MACROD2: variants seen among roughly 807,000 people sequenced by gnomAD.
MACROD2 encodes the protein ADP-ribose glycohydrolase MACROD2.
Under a neutral mutation model 70.4 loss-of-function variants are expected in MACROD2, and 36 were observed. The ratio of observed to expected loss-of-function variants is 0.51; its 90% CI spans 0.39 to 0.68. The LOEUF (loss-of-function observed/expected upper bound fraction) is 0.68, where lower values mean the gene tolerates loss of function less well. MACROD2 is among the 30% of genes least tolerant of loss of function. MACROD2 has a pLI of 0.00. For synonymous variants in MACROD2, 172 were observed against 178.8 expected (o/e 0.96, Z 0.30); for missense variants, 496 against 538.4 (o/e 0.92, Z 0.78).
intron 8 of MACROD2, among the ~76,000 whole-genome samples, chr20:15,829,682 AG>A (rs1371893367): frequency 2.0e-5 from 3 of 152,192 alleles, no homozygotes; most frequent in Non-Finnish European, 4.4e-5. Context: ...TCATTCAAAA[AG>A]CATATGAAGT....
At chr20:14,765,682 C>A (rs1394721331) in intron 5 of MACROD2, among the ~76,000 whole-genome samples, 1 of 151,840 alleles carries the variant, frequency 6.6e-6, no homozygotes, top group Non-Finnish European at 1.5e-5. Flanking sequence ...TTTCAAAACG[C>A]CTTAGAAACC....
intron 3 of MACROD2, among the ~76,000 whole-genome samples, chr20:14,153,391 T>TG (rs1177374645): frequency 1.3e-5 from 2 of 152,118 alleles, no homozygotes; most frequent in Non-Finnish European, 2.9e-5. Flanking sequence ...AAAGAAACAG[T>TG]GGAAAGAGAA....
At chr20:15,064,766 T>G (rs389435) in intron 5 of MACROD2, among the ~76,000 whole-genome samples, 26,729 of 152,160 alleles carry the variant, frequency 0.18, 2,810 homozygotes, top group Non-Finnish European at 0.24. Context: ...CCTTATAGAT[T>G]CCATTACACT....
At chr20:15,824,140 T>A (rs2063971138) in intron 8 of MACROD2, among the ~76,000 whole-genome samples, 1 of 152,192 alleles carries the variant, frequency 6.6e-6, no homozygotes, top group Non-Finnish European at 1.5e-5. Context: ...AGCTTCCTGA[T>A]CAATTGTACA....
At chr20:14,819,849 G>A (rs1272055871) in intron 5 of MACROD2, among the ~76,000 whole-genome samples, 1 of 152,042 alleles carries the variant, frequency 6.6e-6, no homozygotes, top group African/African-American at 2.4e-5. Flanking sequence ...AGGAGGGAGA[G>A]TGGAGACAGA....
At chr20:14,007,746 T>TA (rs1252441484) in intron 2 of MACROD2, among the ~76,000 whole-genome samples, 1 of 152,212 alleles carries the variant, frequency 6.6e-6, no homozygotes, top group Non-Finnish European at 1.5e-5. Context: ...ATGTTATTGT[T>TA]ACACTTTTTG....
At chr20:14,233,698 C>CAAAAAAA (rs1261096475) in intron 3 of MACROD2, among the ~76,000 whole-genome samples, 8 of 27,426 alleles carry the variant, frequency 2.9e-4, no homozygotes, top group Non-Finnish European at 4.9e-4. Context: ...CTCCGTCTCA[C>CAAAAAAA]AAAAAAAAAA....
chr20:14,811,734 G>GA (rs35412745), intron 5 of MACROD2, among the ~76,000 whole-genome samples: 3 of 151,228 alleles, frequency 2.0e-5, no homozygotes, highest in Admixed American at 1.3e-4. Flanking sequence ...AAATTTACAA[G>GA]AAAAAAAACA....
intron 3 of MACROD2, among the ~76,000 whole-genome samples, chr20:14,119,634 C>T (rs1287001637): frequency 6.6e-6 from 1 of 152,174 alleles, no homozygotes; most frequent in East Asian, 1.9e-4. Flanking sequence ...GACCTACTGT[C>T]TGCTAGCTCT....
At chr20:14,187,517 A>G (rs1254234745) in intron 3 of MACROD2, among the ~76,000 whole-genome samples, 2 of 152,236 alleles carry the variant, frequency 1.3e-5, no homozygotes, top group African/African-American at 2.4e-5. Context: ...ATTGACAGAT[A>G]CTATATCAGA....
chr20:14,199,543 A>G (rs890511391), intron 3 of MACROD2, among the ~76,000 whole-genome samples: 2 of 152,186 alleles, frequency 1.3e-5, no homozygotes, highest in Admixed American at 1.3e-4. Flanking sequence ...CCAATTCCTT[A>G]CCAAAATATT....
intron 8 of MACROD2, among the ~76,000 whole-genome samples, chr20:15,743,275 A>G (rs560257467): frequency 7.9e-5 from 12 of 152,132 alleles, no homozygotes; most frequent in Admixed American, 3.3e-4. Flanking sequence ...GTGTACCCCA[A>G]TTACTCACCT....
At chr20:15,247,525 G>A in intron 6 of MACROD2, among the ~76,000 whole-genome samples, 1 of 152,038 alleles carries the variant, frequency 6.6e-6, no homozygotes, top group East Asian at 1.9e-4. Context: ...GAGATAAATC[G>A]AACTTTCTGT....
rs80307288 is a variant in MACROD2, at chr20:15,301,488, A to G, written c.540+71427A>G. ...GTGTCTTCTTTTACTCAGAGAGTTG[A>G]GAGTTGAGATTTCCTTTGGTTTCTT... On this transcript the variant is annotated intron_variant, in intron 6 of 17. Transcript: ENST00000684519. 1.0e-2 allele frequency among the ~76,000 whole-genome samples: 1,500 copies of G among 150,044 alleles called. 26 individuals are homozygous for G. Among genetic ancestry groups the G allele is most frequent in the African/African-American group, 0.034 (1,409 of 41,076 alleles).
chr20:14,731,008 CAT>C (rs1491545811), intron 5 of MACROD2, among the ~76,000 whole-genome samples: 3,110 of 112,054 alleles, frequency 0.028, 122 homozygotes, highest in African/African-American at 0.082. Flanking sequence ...CACACACACA[CAT>C]GCACACACAC....
At chr20:14,132,424 G>A (rs187255973) in intron 3 of MACROD2, among the ~76,000 whole-genome samples, 1 of 152,270 alleles carries the variant, frequency 6.6e-6, no homozygotes, top group African/African-American at 2.4e-5. Flanking sequence ...ATATATAGGA[G>A]ACTTTATAGT....
At chr20:15,526,134 T>C (rs973827292) in intron 8 of MACROD2, among the ~76,000 whole-genome samples, 12 of 152,208 alleles carry the variant, frequency 7.9e-5, no homozygotes, top group African/African-American at 2.9e-4. Flanking sequence ...GACTATGGTT[T>C]TGGGGATTGT....
At chr20:15,185,102 G>A (rs2076525864) in intron 5 of MACROD2, among the ~76,000 whole-genome samples, 1 of 152,044 alleles carries the variant, frequency 6.6e-6, no homozygotes, top group African/African-American at 2.4e-5. Flanking sequence ...CTGTATCATA[G>A]GATCCTTAAG....
chr20:14,261,905 T>G (rs2082104562), intron 3 of MACROD2, among the ~76,000 whole-genome samples: 1 of 152,106 alleles, frequency 6.6e-6, no homozygotes, highest in African/African-American at 2.4e-5. Flanking sequence ...TTTGATTTTG[T>G]GCTAGAAGGA....
Sources: allele counts gnomAD v4.1 joint callset (sites outside exome capture counted in the v4.1 genomes callset), GRCh38; gene constraint gnomAD v4.1.1; transcripts MANE v1.5; gene names NCBI Gene and HGNC (gene_info 2026-07-23, HGNC 2026-07-21).